ADGRD1: variants seen among roughly 807,000 people sequenced by gnomAD.
ADGRD1 encodes G-protein coupled receptor 133.
A neutral mutation model predicts 113.4 loss-of-function variants in ADGRD1; 77 were observed. The observed-to-expected ratio is 0.68, with a 90% CI of 0.57 to 0.82. The LOEUF (loss-of-function observed/expected upper bound fraction) is 0.82, where lower values mean the gene tolerates loss of function less well. ADGRD1 is among the 40% of genes least tolerant of loss of function. ADGRD1 has a pLI of 0.00. For missense variants in ADGRD1, 1,036 were observed against 1,139.1 expected (o/e 0.91, Z 1.30); for synonymous variants, 474 against 475.0 (o/e 1.00, Z 0.03).
intron 21 of ADGRD1, among the ~76,000 whole-genome samples, chr12:131,135,575 A>G (rs372724638): frequency 6.6e-6 from 1 of 152,066 alleles, no homozygotes. Flanking sequence ...GCCTGGAGAA[A>G]TCTTCCTGGC....
At chr12:131,134,092 T>C (rs1477344297) in intron 21 of ADGRD1, among the ~76,000 whole-genome samples, 1 of 152,194 alleles carries the variant, frequency 6.6e-6, no homozygotes, top group Non-Finnish European at 1.5e-5. Flanking sequence ...TCCAGACTCC[T>C]GAAAAAGAAG....
intron 8 of ADGRD1, chr12:130,994,165 G>A (rs948015008): frequency 2.6e-5 from 10 of 383,604 alleles, no homozygotes; most frequent in South Asian, 7.5e-5. Flanking sequence ...GGAAGGACCC[G>A]CGGGGTGTTG....
rs747846136 is a variant in ADGRD1, at chr12:130,987,435, G to A, written c.745+86G>A. ...CGGCCTCCTTTCTCCCCACTCTCCC[G>A]TTGCAGCTATCAGCACTGCAGGCGT... is the stretch of plus-strand genomic sequence containing the variant. On this transcript the variant is annotated intron_variant, in intron 6 of 24. Transcript: ENST00000261654. The A allele has an allele frequency of 8.8e-5, 132 of 1,507,012 alleles. No homozygotes were observed. The Middle Eastern group carries it at 1.6e-3, about 19-fold the overall frequency. 93.4% of individuals were successfully genotyped at this position (1,507,012 alleles called of 1,614,324 possible).
chr12:130,966,665 G>C lies in ADGRD1; in HGVS notation c.187+119G>C. On this transcript the variant is annotated intron_variant, in intron 3 of 24. Coordinates refer to ENST00000261654, the MANE Select transcript of ADGRD1 (RefSeq NM_198827.5). This position sits in a 1 kb window ranked among gnomAD's most constrained non-coding sequence, Gnocchi z 4.6. ...AGGGCCATTGGGGGACGTGGGTGCTGAGAGTGACTGTGGGCCGGGGAATCC... is the reference window on the plus strand; with the variant it reads ...AGGGCCATTGGGGGACGTGGGTGCTCAGAGTGACTGTGGGCCGGGGAATCC... 7.0e-6 allele frequency: 5 copies of C among 709,328 alleles called. No homozygotes were observed. In the South Asian group the frequency reaches 7.7e-5, roughly 11 times the overall value. The allele number at this position is 709,328 out of a possible 1,614,324, so 43.9% of individuals were successfully genotyped here.
At chr12:131,128,537 G>T (rs1950803096) in intron 20 of ADGRD1, among the ~76,000 whole-genome samples, 1 of 152,144 alleles carries the variant, frequency 6.6e-6, no homozygotes, top group African/African-American at 2.4e-5. Context: ...AAAATTTAAA[G>T]AATCTGATTT....
Position 130,965,133 on chromosome 12 carries a change from T to C in ADGRD1, c.104-1330T>C, listed in dbSNP as rs762182137. Among the ~76,000 whole-genome samples, 1 of 152,240 alleles carries C rather than the reference T, an allele frequency of 6.6e-6. No homozygotes were observed. The highest frequency in any genetic ancestry group is 1.5e-5 in the Non-Finnish European group (1 of 68,048). ...TGTACAATTCTTATTCTTGTTTTCA[T>C]AAATATTTTCTTTTTGTTGGCTGCA... On this transcript the variant is annotated intron_variant, in intron 2 of 24. Coordinates refer to ENST00000261654, the MANE Select transcript of ADGRD1 (RefSeq NM_198827.5). This position sits in a 1 kb window ranked among gnomAD's most constrained non-coding sequence, Gnocchi z 4.8.
intron 18 of ADGRD1, among the ~76,000 whole-genome samples, chr12:131,116,331 C>T (rs1950462775): frequency 6.6e-6 from 1 of 152,226 alleles, no homozygotes; most frequent in South Asian, 2.1e-4. Context: ...ACAGAGGCTG[C>T]CTGGTCTCCT....
rs116112572 is a variant in ADGRD1, at chr12:131,041,819, C to T, written c.1473+27479C>T. 9.2e-3 allele frequency among the ~76,000 whole-genome samples: 1,396 copies of T among 152,292 alleles called. 24 individuals are homozygous for T. The highest frequency in any genetic ancestry group is 0.031 in the African/African-American group (1,294 of 41,550). On this transcript the variant is annotated intron_variant, in intron 13 of 24. Coordinates refer to ENST00000261654, the MANE Select transcript of ADGRD1 (RefSeq NM_198827.5). The surrounding 1 kb of genome is among the most constrained non-coding windows in gnomAD (Gnocchi z 4.4). ...ATTCTCCCTCTTCTGGGGTCTTTGC[C>T]CACGTCACATTCCCTCCCCACGGTC... is the stretch of plus-strand genomic sequence containing the variant.
chr12:131,005,009 C>T (rs1021240912), intron 11 of ADGRD1, among the ~76,000 whole-genome samples: 4 of 152,230 alleles, frequency 2.6e-5, no homozygotes, highest in African/African-American at 9.6e-5. Context: ...GCCCCTGCCA[C>T]CCTGGCCAGA....
At chr12:131,036,303 T>C (rs2136953913) in intron 13 of ADGRD1, among the ~76,000 whole-genome samples, 1 of 151,860 alleles carries the variant, frequency 6.6e-6, no homozygotes, top group East Asian at 1.9e-4. Flanking sequence ...TGGGCCTCAC[T>C]CACTGCACCG....
At chr12:131,095,640 C>T (rs1887226137) in intron 15 of ADGRD1, among the ~76,000 whole-genome samples, 3 of 152,304 alleles carry the variant, frequency 2.0e-5, no homozygotes, top group Admixed American at 1.3e-4. Context: ...GGACGCATAG[C>T]CCGGCCGAGG....
chr12:131,077,273 T>C (rs554476441), intron 14 of ADGRD1, among the ~76,000 whole-genome samples: 2 of 152,272 alleles, frequency 1.3e-5, no homozygotes, highest in Admixed American at 1.3e-4. Flanking sequence ...ACTAGCCACG[T>C]TGGCATTTTC....
At chr12:131,127,693 G>A (rs753449504) in intron 20 of ADGRD1, among the ~76,000 whole-genome samples, 22 of 146,478 alleles carry the variant, frequency 1.5e-4, no homozygotes, top group Non-Finnish European at 2.6e-4. Context: ...TGTTGATTGT[G>A]TTGGTTGTGA....
chr12:131,084,769 C>T lies in ADGRD1; in HGVS notation c.1671+106C>T, dbSNP rs997783605. Reference sequence around the variant, plus strand: ...CGCCAGTGCCCACGGGCCCTGGGCACATTACTCCATGGGGCCTGTGTTTAC... The same window carrying T: ...CGCCAGTGCCCACGGGCCCTGGGCATATTACTCCATGGGGCCTGTGTTTAC... On this transcript the variant is annotated intron_variant, in intron 15 of 24. Coordinates refer to ENST00000261654, the MANE Select transcript of ADGRD1 (RefSeq NM_198827.5). The surrounding 1 kb of genome is among the most constrained non-coding windows in gnomAD (Gnocchi z 4.5). The T allele has an allele frequency of 1.9e-5, 23 of 1,191,008 alleles. No homozygotes were observed. In the Admixed American group the frequency reaches 2.8e-4, roughly 14 times the overall value. The allele number at this position is 1,191,008 out of a possible 1,614,324, so 73.8% of individuals were successfully genotyped here.
At position 131,014,219 on chromosome 12, in the gene ADGRD1, A is replaced by G; in HGVS notation, c.1352A>G (p.His451Arg). The change falls in exon 13 of 25, where the codon CAC (histidine) becomes CGC (arginine). Residue 451 changes from histidine to arginine, a missense_variant. By Grantham distance (29) the His-to-Arg change is conservative. Transcript: ENST00000261654. ...AHTKIAEAMH[H>R]QDCLLFATSH... ...CCAAGGATCGCGGAGGCCATGCATC[A>G]CCAGGACTGCCTGCTGTTCGCCACC... 2.5e-6 allele frequency: 4 copies of G among 1,614,132 alleles called. No homozygotes were observed. Among genetic ancestry groups the G allele is most frequent in the Non-Finnish European group, 1.7e-6 (2 of 1,180,004 alleles).
rs755174223 is a variant in ADGRD1 at position 131,050,102 on chromosome 12, G to A, written c.1474-26699G>A. Among the ~76,000 whole-genome samples, 6 of 152,054 alleles carry A rather than the reference G, an allele frequency of 3.9e-5. No homozygotes were observed. Among genetic ancestry groups the A allele is most frequent in the Non-Finnish European group, 5.9e-5 (4 of 68,020 alleles). ...TGGATACACGGGGGTCCAGGAATGC[G>A]TGCAGGAAGCTGGGAATTCAGTGTG... On this transcript the variant is annotated intron_variant, in intron 13 of 24. Transcript: ENST00000261654. The surrounding 1 kb of genome is among the most constrained non-coding windows in gnomAD (Gnocchi z 4.8).
In ADGRD1 at chr12:131,037,882, C is replaced by T. The variant is rs139060647; in HGVS notation, c.1473+23542C>T. Among the ~76,000 whole-genome samples, 404 of 141,332 alleles carry T rather than the reference C, an allele frequency of 2.9e-3. 1 individual carries two copies. The highest frequency in any genetic ancestry group is 9.7e-3 in the African/African-American group (362 of 37,490). The allele number at this position is 141,332 out of a possible 152,430, so 92.7% of individuals were successfully genotyped here. On this transcript the variant is annotated intron_variant, in intron 13 of 24. Transcript: ENST00000261654. Reference sequence around the variant, plus strand: ...CTCACTGCACCAGGATCTTACTCACCGCACTGAGCCTCACTCACCACACCG... The same window carrying T: ...CTCACTGCACCAGGATCTTACTCACTGCACTGAGCCTCACTCACCACACCG...
At chr12:130,977,771 A>T (rs946097517) in intron 4 of ADGRD1, 1 of 152,440 alleles carries the variant, frequency 6.6e-6, no homozygotes, top group Non-Finnish European at 1.5e-5. Flanking sequence ...GGGTGTGGGT[A>T]CAGACGCCAG....
intron 13 of ADGRD1, among the ~76,000 whole-genome samples, chr12:131,073,556 C>T (rs190675927): frequency 6.0e-4 from 91 of 152,290 alleles, no homozygotes; most frequent in South Asian, 3.1e-3. Context: ...ATGTTGGACA[C>T]GTAGCTCCCC....
Sources: gnomAD v4.1 joint callset for allele counts (sites outside exome capture counted in the v4.1 genomes callset) on GRCh38, gnomAD v4.1.1 for gene constraint, Gnocchi (gnomAD v3.1) non-coding constraint, MANE v1.5 for transcripts, NCBI Gene and HGNC (gene_info 2026-07-23, HGNC 2026-07-21) for gene names.